SCAMP1: variants seen among roughly 807,000 people sequenced by gnomAD.
SCAMP1 encodes the protein secretory carrier membrane protein 1.
SCAMP1 carries 15 observed loss-of-function variants against 41.8 expected under a neutral mutation model. The observed-to-expected ratio is 0.36, with a 90% confidence interval of 0.24 to 0.55. The LOEUF is 0.55. Ranked by LOEUF, SCAMP1 falls within the 20% of genes least tolerant of loss-of-function variation. The pLI is 0.86. For missense variants in SCAMP1, 341 were observed against 412.6 expected (o/e 0.83, Z 1.50); for synonymous variants, 135 against 136.8 (o/e 0.99, Z 0.09).
At chr5:78,444,313 T>C (rs1292879914) in intron 6 of SCAMP1, among the ~76,000 whole-genome samples, 1 of 152,180 alleles carries the variant, frequency 6.6e-6, no homozygotes, top group African/African-American at 2.4e-5. Context: ...CAGTTCCACA[T>C]GGCTGGGGAG....
At chr5:78,385,459 T>C (rs1264882974) in intron 1 of SCAMP1, among the ~76,000 whole-genome samples, 1 of 152,192 alleles carries the variant, frequency 6.6e-6, no homozygotes, top group Non-Finnish European at 1.5e-5. Flanking sequence ...TCTGCTCTGA[T>C]CTTGGTTACT....
Position 78,475,745 on chromosome 5 carries a change from G to A in SCAMP1, c.*77G>A. ...TACTGTATTCTACAAATATTTTTAT[G>A]TTCAAAACACACAGTACAGACAGCA... On this transcript the variant is annotated 3_prime_UTR_variant, in exon 9 of 9. Coordinates refer to ENST00000621999, the MANE Select transcript of SCAMP1 (RefSeq NM_004866.6). The A allele has an allele frequency of 2.5e-6, 3 of 1,193,678 alleles. No homozygotes were observed. Among genetic ancestry groups the A allele is most frequent in the South Asian group, 1.8e-5 (1 of 55,640 alleles). The allele number at this position is 1,193,678 out of a possible 1,614,324, so 73.9% of individuals were successfully genotyped here. A position where few individuals can be genotyped will look rare whatever the true frequency, so the allele number is the denominator to read the frequency against.
chr5:78,430,816 A>C (rs1051537154), intron 6 of SCAMP1, among the ~76,000 whole-genome samples: 6 of 152,074 alleles, frequency 3.9e-5, no homozygotes, highest in African/African-American at 1.4e-4. Context: ...TGATTTCCAC[A>C]CAGTAAGTTA....
chr5:78,374,390 G>T (rs1257370020), intron 1 of SCAMP1, among the ~76,000 whole-genome samples: 1 of 151,998 alleles, frequency 6.6e-6, no homozygotes. Context: ...ACTCAGGAGT[G>T]ACAGGACTTG....
chr5:78,429,522 T>G (rs1561272568), intron 6 of SCAMP1, among the ~76,000 whole-genome samples: 1 of 152,058 alleles, frequency 6.6e-6, no homozygotes, highest in South Asian at 2.1e-4. Context: ...TGGCATACTT[T>G]CCATTTGGTC....
rs971816566 is a variant in SCAMP1 at position 78,479,268 on chromosome 5, G to T, written c.*3600G>T. On this transcript the variant is annotated 3_prime_UTR_variant, in exon 9 of 9. Coordinates refer to ENST00000621999, the MANE Select transcript of SCAMP1 (RefSeq NM_004866.6). ...TCATGTGATTAAGCCCTTTAGAGATGAAATAAGATTGGTTAATTTTAAAAA... is the reference window on the plus strand; with the variant it reads ...TCATGTGATTAAGCCCTTTAGAGATTAAATAAGATTGGTTAATTTTAAAAA... Among the ~76,000 whole-genome samples the T allele has an allele frequency of 6.6e-6, 1 of 151,952 alleles. No individual in the cohort carries two copies. Among genetic ancestry groups the T allele is most frequent in the African/African-American group, 2.4e-5 (1 of 41,402 alleles).
chr5:78,450,456 T>C (rs1011336757), intron 7 of SCAMP1, among the ~76,000 whole-genome samples: 3 of 152,216 alleles, frequency 2.0e-5, no homozygotes, highest in African/African-American at 7.2e-5. Context: ...CGAATATACA[T>C]GGACACTTGT....
intron 6 of SCAMP1, among the ~76,000 whole-genome samples, chr5:78,447,376 A>G (rs1753077749): frequency 6.6e-6 from 1 of 152,232 alleles, no homozygotes. Flanking sequence ...AGAAAACTTC[A>G]AAATAGTATA....
rs1379511703 is a variant in SCAMP1 at position 78,478,444 on chromosome 5, C to A, written c.*2776C>A. ...TGAAAGACCTAGTTAAAAATTCTAA[C>A]CAATGTAAAATGACCATTTTTCTGT... On this transcript the variant is annotated 3_prime_UTR_variant, in exon 9 of 9. Transcript: ENST00000621999. The A allele has an allele frequency of 1.3e-5, 2 of 152,448 alleles. No homozygotes were observed. The highest frequency in any genetic ancestry group is 6.6e-5 in the Admixed American group (1 of 15,266). 9.4% of individuals were successfully genotyped at this position (152,448 alleles called of 1,614,324 possible).
intron 1 of SCAMP1, among the ~76,000 whole-genome samples, chr5:78,374,942 G>A (rs1751029923): frequency 1.3e-5 from 2 of 152,072 alleles, no homozygotes; most frequent in Admixed American, 1.3e-4. Flanking sequence ...ACTTGTCTTA[G>A]AGTCTTGTTG....
intron 8 of SCAMP1, among the ~76,000 whole-genome samples, chr5:78,460,076 A>G (rs755745859): frequency 6.6e-6 from 1 of 152,214 alleles, no homozygotes; most frequent in Non-Finnish European, 1.5e-5. Context: ...GTTGCTACGA[A>G]GGACATAATT....
chr5:78,386,050 G>A (rs1487241472), intron 1 of SCAMP1, among the ~76,000 whole-genome samples: 3 of 152,126 alleles, frequency 2.0e-5, no homozygotes, highest in Non-Finnish European at 2.9e-5. Context: ...TGTCAGTAGA[G>A]TATTGAAGTC....
At chr5:78,424,719 CA>C (rs980193407) in intron 6 of SCAMP1, among the ~76,000 whole-genome samples, 1 of 149,630 alleles carries the variant, frequency 6.7e-6, no homozygotes. Flanking sequence ...GATCCTGCCT[CA>C]AAAAAAAAGA....
At chr5:78,369,925 A>G (rs757866992) in intron 1 of SCAMP1, among the ~76,000 whole-genome samples, 2 of 152,228 alleles carry the variant, frequency 1.3e-5, no homozygotes, top group Non-Finnish European at 2.9e-5. Flanking sequence ...TGATCTTAAC[A>G]AAGGTACTTG....
intron 6 of SCAMP1, among the ~76,000 whole-genome samples, chr5:78,448,377 G>A (rs10061149): frequency 0.76 from 114,797 of 150,252 alleles, 44,470 homozygotes; most frequent in African/African-American, 0.85. Flanking sequence ...ACAGACGGAG[G>A]GAAAATCTTT....
Position 78,388,915 on chromosome 5 carries a change from G to C in SCAMP1, c.135+1G>C. On this transcript the variant is annotated splice_donor_variant, in intron 2 of 8. Transcript: ENST00000621999. LOFTEE classifies it high-confidence loss of function. ...TAATCCATTCTCGGATTCTAGAACA[G>C]TAAGATTATTCTTGCTTTTAAATGT... The C allele has an allele frequency of 7.0e-7, 1 of 1,426,578 alleles. No individual in the cohort carries two copies. The highest frequency in any genetic ancestry group is 9.7e-7 in the Non-Finnish European group (1 of 1,031,708). 88.4% of individuals were successfully genotyped at this position (1,426,578 alleles called of 1,614,324 possible).
chr5:78,375,944 C>G (rs949264361), intron 1 of SCAMP1, among the ~76,000 whole-genome samples: 17 of 152,154 alleles, frequency 1.1e-4, no homozygotes, highest in Non-Finnish European at 2.5e-4. Flanking sequence ...ACCAAGTGAA[C>G]TTAATTGTAA....
chr5:78,364,244 A>T (rs1424827400), intron 1 of SCAMP1, among the ~76,000 whole-genome samples: 1 of 152,224 alleles, frequency 6.6e-6, no homozygotes, highest in African/African-American at 2.4e-5. Context: ...AAGTCAGCAT[A>T]AGAGTGTATG....
intron 2 of SCAMP1, among the ~76,000 whole-genome samples, chr5:78,399,674 TTTAAGGGTTC>T (rs1751751005): frequency 6.6e-6 from 1 of 152,246 alleles, no homozygotes; most frequent in South Asian, 2.1e-4. Context: ...ATTGTTGAAT[TTTAAGGGTTC>T]TTGTATCTTT....
Sources: allele counts gnomAD v4.1 joint callset (sites outside exome capture counted in the v4.1 genomes callset), GRCh38; gene constraint gnomAD v4.1.1; transcripts MANE v1.5; gene names NCBI Gene and HGNC (gene_info 2026-07-23, HGNC 2026-07-21).